Variants in SLC22A23 observed in about 807,000 individuals in gnomAD.
SLC22A23 encodes the protein solute carrier family 22 member 23.
Under a neutral mutation model 61.0 loss-of-function variants are expected in SLC22A23, and 26 were observed. That is an observed-to-expected ratio of 0.43 (90% confidence interval 0.31 to 0.59). The LOEUF is 0.59. SLC22A23 is among the 20% of genes least tolerant of loss of function. The pLI, the probability that SLC22A23 is intolerant of heterozygous loss-of-function variation, is 0.11. For synonymous variants in SLC22A23, 430 were observed against 413.9 expected (o/e 1.04, Z -0.47); for missense variants, 796 against 934.7 (o/e 0.85, Z 1.94).
intron 4 of SLC22A23, among the ~76,000 whole-genome samples, chr6:3,313,838 G>A (rs1343687623): frequency 2.6e-5 from 4 of 152,164 alleles, no homozygotes; most frequent in Admixed American, 6.5e-5. Flanking sequence ...TGACAAACAT[G>A]GAGAAACCCT....
At chr6:3,445,807 C>T (rs1172571357) in intron 1 of SLC22A23, among the ~76,000 whole-genome samples, 1 of 152,030 alleles carries the variant, frequency 6.6e-6, no homozygotes, top group Admixed American at 6.6e-5. Flanking sequence ...ACAAGATGCC[C>T]CCTACAACAA....
Position 3,332,085 on chromosome 6 carries a change from C to A in SLC22A23, c.914-8083G>T, listed in dbSNP as rs149333256. Among the ~76,000 whole-genome samples, 922 of 152,310 alleles carry A rather than the reference C, an allele frequency of 6.1e-3. 5 individuals are homozygous for A. The highest frequency in any genetic ancestry group is 0.01 in the Non-Finnish European group (707 of 68,036). On this transcript the variant is annotated intron_variant, in intron 3 of 9. Coordinates refer to ENST00000406686, the MANE Select transcript of SLC22A23 (RefSeq NM_015482.2). ...TTTTGAGCAAATGGAGCCTCACAGG[C>A]CTTCAGATTTGAAACCTCCGAGGCA...
chr6:3,347,124 A>G (rs1351413726), intron 3 of SLC22A23, among the ~76,000 whole-genome samples: 1 of 152,132 alleles, frequency 6.6e-6, no homozygotes, highest in East Asian at 1.9e-4. Context: ...CAAGTCATTA[A>G]CTACCCCCAC....
At chr6:3,396,740 GT>G (rs1407462599) in intron 3 of SLC22A23, among the ~76,000 whole-genome samples, 4 of 152,216 alleles carry the variant, frequency 2.6e-5, no homozygotes, top group African/African-American at 9.6e-5. Context: ...ATGGAATTTG[GT>G]GGGGCAGTCG....
In SLC22A23 at chr6:3,327,270, T is replaced by C. The variant is rs572970621; in HGVS notation, c.914-3268A>G. Among the ~76,000 whole-genome samples the C allele has an allele frequency of 7.2e-5, 11 of 152,228 alleles. No individual in the cohort carries two copies. Among genetic ancestry groups the C allele is most frequent in the Non-Finnish European group, 1.6e-4 (11 of 68,038 alleles). The stretch of plus-strand genomic sequence containing the variant: ...GGGCCTGGCTACTGTGGAGAGTAGA[T>C]CACTCACAGGCAGGTGTCCACAGTG... On this transcript the variant is annotated intron_variant, in intron 3 of 9. Transcript: ENST00000406686. This position sits in a 1 kb window ranked among gnomAD's most constrained non-coding sequence, Gnocchi z 4.1.
At chr6:3,287,837 C>G (rs542447791) in intron 6 of SLC22A23, among the ~76,000 whole-genome samples, 2 of 152,120 alleles carry the variant, frequency 1.3e-5, no homozygotes, top group Non-Finnish European at 2.9e-5. Context: ...GCACCTGCCA[C>G]CATGCCCAGC....
intron 3 of SLC22A23, among the ~76,000 whole-genome samples, chr6:3,373,957 G>A (rs1766394726): frequency 6.6e-6 from 1 of 152,196 alleles, no homozygotes; most frequent in Non-Finnish European, 1.5e-5. Context: ...TTGGGAGGCA[G>A]GTACTTTTGT....
intron 1 of SLC22A23, among the ~76,000 whole-genome samples, chr6:3,442,006 GC>G (rs1468256418): frequency 6.6e-6 from 1 of 152,180 alleles, no homozygotes; most frequent in African/African-American, 2.4e-5. Context: ...ATGCACCATA[GC>G]CAAGGGGTAG....
At chr6:3,447,080 TA>T (rs1258561599) in intron 1 of SLC22A23, among the ~76,000 whole-genome samples, 2 of 152,306 alleles carry the variant, frequency 1.3e-5, no homozygotes, top group Non-Finnish European at 2.9e-5. Flanking sequence ...TTATCCCACT[TA>T]ATACTCTTTA....
At chr6:3,450,190 C>T (rs1394498543) in intron 1 of SLC22A23, among the ~76,000 whole-genome samples, 2 of 152,210 alleles carry the variant, frequency 1.3e-5, no homozygotes, top group Non-Finnish European at 2.9e-5. Flanking sequence ...GTACAATGTA[C>T]ATGTATTACC....
chr6:3,282,330 G>A (rs1215770507), intron 9 of SLC22A23: 1 of 702,278 alleles, frequency 1.4e-6, no homozygotes, highest in African/African-American at 1.7e-5. Flanking sequence ...TGATGCAGAA[G>A]GTAGGGACAG....
chr6:3,280,270 G>A (rs1325364871), intron 9 of SLC22A23, among the ~76,000 whole-genome samples: 3 of 152,064 alleles, frequency 2.0e-5, no homozygotes, highest in East Asian at 1.9e-4. Flanking sequence ...AAAGCCGGCC[G>A]AGGGACCCAC....
At chr6:3,369,490 A>G (rs1214504357) in intron 3 of SLC22A23, among the ~76,000 whole-genome samples, 1 of 152,216 alleles carries the variant, frequency 6.6e-6, no homozygotes, top group East Asian at 1.9e-4. Context: ...GAAGAGTTCG[A>G]GACCAGCCTG....
chr6:3,298,944 AGTCCG>A (rs1272418802), intron 4 of SLC22A23, among the ~76,000 whole-genome samples: 16 of 142,934 alleles, frequency 1.1e-4, no homozygotes, highest in Non-Finnish European at 1.8e-4. Flanking sequence ...TGCAGTCCGC[AGTCCG>A]GCCTGGGCGA....
chr6:3,368,871 T>C (rs982265709), intron 3 of SLC22A23, among the ~76,000 whole-genome samples: 1 of 152,178 alleles, frequency 6.6e-6, no homozygotes, highest in African/African-American at 2.4e-5. Flanking sequence ...GCAGCTTGTT[T>C]AGGCTGTGCA....
chr6:3,451,981 C>T (rs1772173834), intron 1 of SLC22A23, among the ~76,000 whole-genome samples: 1 of 152,156 alleles, frequency 6.6e-6, no homozygotes, highest in Non-Finnish European at 1.5e-5. Context: ...TTCTCTTTTT[C>T]ACTTTCAGTA....
At chr6:3,280,483 GAC>G (rs956124808) in intron 9 of SLC22A23, among the ~76,000 whole-genome samples, 2 of 134,140 alleles carry the variant, frequency 1.5e-5, no homozygotes, top group Non-Finnish European at 3.1e-5. Flanking sequence ...ACATTTTTAA[GAC>G]ACAACTTTTT....
chr6:3,296,264 G>A (rs1008004287), intron 5 of SLC22A23, among the ~76,000 whole-genome samples: 2 of 152,192 alleles, frequency 1.3e-5, no homozygotes, highest in African/African-American at 4.8e-5. Context: ...CTCAGCGCAG[G>A]GAAGTTTGTA....
rs547784843 is a variant in SLC22A23, at chr6:3,372,268, T to A, written c.913+37920A>T. 3.9e-5 allele frequency among the ~76,000 whole-genome samples: 6 copies of A among 152,348 alleles called. No homozygotes were observed. The highest frequency in any genetic ancestry group is 3.3e-4 in the Admixed American group (5 of 15,304). On this transcript the variant is annotated intron_variant, in intron 3 of 9. Coordinates refer to ENST00000406686, the MANE Select transcript of SLC22A23 (RefSeq NM_015482.2). This position sits in a 1 kb window ranked among gnomAD's most constrained non-coding sequence, Gnocchi z 4.7. Reference sequence around the variant, plus strand: ...TAAACACCATCGGGCCAGTAAATCTTGTCCATCTAGTGTTTCAAAGTAGGG... The same window carrying A: ...TAAACACCATCGGGCCAGTAAATCTAGTCCATCTAGTGTTTCAAAGTAGGG...
Sources: allele counts gnomAD v4.1 joint callset (sites outside exome capture counted in the v4.1 genomes callset), GRCh38; gene constraint gnomAD v4.1.1; non-coding constraint Gnocchi (gnomAD v3.1); transcripts MANE v1.5; gene names NCBI Gene and HGNC (gene_info 2026-07-23, HGNC 2026-07-21).